Variants in EFCAB13 observed in about 807,000 individuals in gnomAD.
EFCAB13 encodes the protein EF-hand calcium-binding domain-containing protein 13.
Under a neutral mutation model 110.2 loss-of-function variants are expected in EFCAB13, and 91 were observed. The observed-to-expected ratio is 0.83, with a 90% CI of 0.70 to 0.98. EFCAB13 has a LOEUF of 0.98. Among genes scored for constraint, EFCAB13 ranks in the 50% least tolerant of loss-of-function variants. The pLI is 0.00. For missense variants in EFCAB13, 968 were observed against 1,119.4 expected (o/e 0.86, Z 1.93); for synonymous variants, 323 against 369.9 (o/e 0.87, Z 1.45).
At chr17:47,423,304 G>A (rs1904783803) in intron 23 of EFCAB13, 1 of 152,178 alleles carries the variant, frequency 6.6e-6, no homozygotes, top group Non-Finnish European at 1.5e-5. Context: ...ATGGTGAAGG[G>A]GCATTTTGTT....
Position 47,395,814 on chromosome 17 carries a change from G to A in EFCAB13, c.1802-20G>A, listed in dbSNP as rs767295062. The A allele has an allele frequency of 1.3e-6, 2 of 1,561,690 alleles. No homozygotes were observed. The highest frequency in any genetic ancestry group is 1.7e-6 in the Non-Finnish European group (2 of 1,152,180). On this transcript the variant is annotated intron_variant, in intron 16 of 24. Transcript: ENST00000331493. ...TCTTGCATAAGCATTCGTAAAACTT[G>A]TGTTTTATCTACCCTTTAGTATTGC...
chr17:47,414,178 T>G (rs1436507830), intron 22 of EFCAB13, among the ~76,000 whole-genome samples: 1 of 152,154 alleles, frequency 6.6e-6, no homozygotes, highest in Non-Finnish European at 1.5e-5. Flanking sequence ...CTTAATATAA[T>G]TATAGCCCTA....
intron 9 of EFCAB13, among the ~76,000 whole-genome samples, chr17:47,357,119 C>T (rs566587785): frequency 6.2e-4 from 95 of 152,236 alleles, no homozygotes; most frequent in African/African-American, 2.2e-3. Flanking sequence ...TCCAGGCAGG[C>T]GGTGAGCAGG....
chr17:47,361,621 C>T (rs2143318905), intron 10 of EFCAB13, 100 bp downstream of exon 10: 1 of 980,188 alleles, frequency 1.0e-6, no homozygotes, highest in Non-Finnish European at 1.4e-6. Context: ...TTTGCTTCTC[C>T]TTTTTTCTCT....
Position 47,440,612 on chromosome 17 carries a change from G to A in EFCAB13, c.2820G>A (p.Lys940=). Residue 940 remains lysine (K), a synonymous_variant, in exon 25 of 25, where the codon AAG becomes AAA. Transcript: ENST00000331493. Reference sequence around the variant, plus strand: ...TAGTTAAAGCACAGGTAAGTAAGAAGCAATACAATATGAATATAAAACAAC... The same window carrying A: ...TAGTTAAAGCACAGGTAAGTAAGAAACAATACAATATGAATATAAAACAAC... ...DSIVKAQVSK[K]QYNMNIKQHK... is the part of the protein sequence containing the mutation. 1 of 1,612,284 alleles carries A rather than the reference G, an allele frequency of 6.2e-7. No homozygotes were observed. Among genetic ancestry groups the A allele is most frequent in the Non-Finnish European group, 8.5e-7 (1 of 1,179,308 alleles).
chr17:47,374,621 A>C lies in EFCAB13; in HGVS notation c.1027A>C (p.Asn343His). Reference protein sequence around the residue: ...SISKKLNKKSNQYYSKIMEND... With the variant: ...SISKKLNKKSHQYYSKIMEND... Reference sequence around the variant, plus strand: ...ATCCAAAAAGTTAAATAAAAAAAGCAACCAATATTATAGCAAAATTATGGA... The same window carrying C: ...ATCCAAAAAGTTAAATAAAAAAAGCCACCAATATTATAGCAAAATTATGGA... Residue 343 changes from asparagine (N) to histidine (H), a missense_variant, in exon 12 of 25, where the codon AAC becomes CAC. Physicochemically the swap from Asn to His is moderately conservative, Grantham distance 68. Transcript: ENST00000331493. The C allele has an allele frequency of 6.2e-7, 1 of 1,604,238 alleles. No individual in the cohort carries two copies. The highest frequency in any genetic ancestry group is 2.2e-5 in the East Asian group (1 of 44,820).
rs1206101435 is a variant in EFCAB13, at chr17:47,397,737, G to A, written c.1945+1760G>A. 6.0e-5 allele frequency among the ~76,000 whole-genome samples: 9 copies of A among 150,808 alleles called. No homozygotes were observed. The South Asian group carries it at 1.3e-3, about 21-fold the overall frequency. On this transcript the variant is annotated intron_variant, in intron 17 of 24. Coordinates refer to ENST00000331493, the MANE Select transcript of EFCAB13 (RefSeq NM_152347.5). ...TGGGAGGTGAGGAGCGTCTCTGCCCGGCCGCCCCGTCTGAGAAGTGAGGAG... is the reference window on the plus strand; with the variant it reads ...TGGGAGGTGAGGAGCGTCTCTGCCCAGCCGCCCCGTCTGAGAAGTGAGGAG...
At chr17:47,335,835 A>T (rs956300598) in intron 5 of EFCAB13, among the ~76,000 whole-genome samples, 9 of 152,202 alleles carry the variant, frequency 5.9e-5, no homozygotes, top group African/African-American at 2.2e-4. Flanking sequence ...TCATGAGAAC[A>T]ACAAGTGGGA....
chr17:47,334,973 T>G (rs1471140574), intron 4 of EFCAB13, among the ~76,000 whole-genome samples: 1 of 152,216 alleles, frequency 6.6e-6, no homozygotes, highest in Non-Finnish European at 1.5e-5. Context: ...TGATGTTCTT[T>G]TATAGCTGTA....
rs188447985 is a variant in EFCAB13, at chr17:47,364,154, C to T, written c.805+2633C>T. 2.9e-3 allele frequency among the ~76,000 whole-genome samples: 441 copies of T among 152,238 alleles called. 4 individuals are homozygous for T. The highest frequency in any genetic ancestry group is 3.6e-3 in the Non-Finnish European group (244 of 68,014). On this transcript the variant is annotated intron_variant, in intron 10 of 24. Coordinates refer to ENST00000331493, the MANE Select transcript of EFCAB13 (RefSeq NM_152347.5). ...TATAAACATTTATCACAGTGCTTGG[C>T]ACCTAGAACAGACAGAAGGGTGAGG...
At chr17:47,351,756 A>G (rs941246503) in intron 9 of EFCAB13, among the ~76,000 whole-genome samples, 3 of 151,704 alleles carry the variant, frequency 2.0e-5, no homozygotes, top group South Asian at 4.2e-4. Context: ...TCTGTTGATT[A>G]TTTCTTTTGC....
intron 23 of EFCAB13, among the ~76,000 whole-genome samples, chr17:47,416,485 C>T (rs61097898): frequency 0.088 from 13,384 of 151,968 alleles, 848 homozygotes; most frequent in East Asian, 0.35. Flanking sequence ...GTTACCTGGG[C>T]ATATTGTGTG....
chr17:47,350,563 A>G (rs1344819983), intron 9 of EFCAB13, among the ~76,000 whole-genome samples: 1 of 151,632 alleles, frequency 6.6e-6, no homozygotes. Context: ...TGCCAATATA[A>G]TTATTACTCC....
chr17:47,384,083 G>A (rs997103960), intron 14 of EFCAB13, among the ~76,000 whole-genome samples: 3 of 148,548 alleles, frequency 2.0e-5, no homozygotes, highest in African/African-American at 4.9e-5. Context: ...TCCCTTCTTT[G>A]TCTTTTTTGA....
intron 21 of EFCAB13, 56 bp downstream of exon 21, chr17:47,409,747 A>T: frequency 7.6e-7 from 1 of 1,318,656 alleles, no homozygotes; most frequent in South Asian, 1.2e-5. Flanking sequence ...TATTTTTTAG[A>T]ATAATTGCCA....
chr17:47,342,706 C>G (rs1173549778), intron 6 of EFCAB13, among the ~76,000 whole-genome samples: 1 of 152,020 alleles, frequency 6.6e-6, no homozygotes, highest in Non-Finnish European at 1.5e-5. Context: ...TTAGATATTT[C>G]CCCTCTTTCA....
At chr17:47,408,795 G>A (rs181886265) in intron 20 of EFCAB13, among the ~76,000 whole-genome samples, 30 of 152,170 alleles carry the variant, frequency 2.0e-4, no homozygotes, top group Non-Finnish European at 4.1e-4. Context: ...CTAGTGAATA[G>A]AGGCAAGGGT....
intron 10 of EFCAB13, among the ~76,000 whole-genome samples, chr17:47,366,489 TA>T (rs2065546951): frequency 6.6e-6 from 1 of 152,198 alleles, no homozygotes; most frequent in Admixed American, 6.5e-5. Context: ...TTGCCTTGCA[TA>T]TATGACCTTA....
chr17:47,325,030 C>CCCCCCTTTTTTTT (rs1187065378), intron 2 of EFCAB13, among the ~76,000 whole-genome samples: 2 of 116,718 alleles, frequency 1.7e-5, no homozygotes, highest in African/African-American at 3.1e-5. Context: ...CCCCACCCCC[C>CCCCCCTTTTTTTT]TTTTTTTTTT....
Sources: allele counts gnomAD v4.1 joint callset (sites outside exome capture counted in the v4.1 genomes callset), GRCh38; gene constraint gnomAD v4.1.1; transcripts MANE v1.5; gene names NCBI Gene and HGNC (gene_info 2026-07-23, HGNC 2026-07-21).